Variants in PCLAF observed in about 807,000 individuals in gnomAD.
PCLAF encodes PCNA-associated factor.
PCLAF carries 12 observed loss-of-function variants against 15.1 expected under a neutral mutation model. That is an observed-to-expected ratio of 0.79 (90% CI 0.51 to 1.29). The LOEUF (loss-of-function observed/expected upper bound fraction) is 1.29. Ranked by LOEUF, PCLAF falls within the 50% of genes most tolerant of loss-of-function variation. PCLAF has a pLI of 0.00. For missense variants in PCLAF, 116 were observed against 130.9 expected, an observed-to-expected ratio of 0.89 and a Z score of 0.56; for synonymous variants, 33 against 47.1, an observed-to-expected ratio of 0.70 and a Z score of 1.22.
chr15:64,383,434 T>G (rs2140536069), upstream of PCLAF, among the ~76,000 whole-genome samples: 1 of 151,940 alleles, frequency 6.6e-6, no homozygotes, highest in East Asian at 1.9e-4. Flanking sequence ...TGGCGTGTTC[T>G]CGGCTCACTG....
Position 64,381,327 on chromosome 15 carries a change from T to C in PCLAF, c.45A>G (p.Lys15=), listed in dbSNP as rs760097397. 2.8e-5 allele frequency: 45 copies of C among 1,613,888 alleles called. No individual in the cohort carries two copies. Among genetic ancestry groups the C allele is most frequent in the Non-Finnish European group, 3.6e-5 (43 of 1,179,998 alleles). ...CAGTACCACACTCGATCGCCTCACC[T>C]TTTCTGTAAGTGCCTGGAACACTGT... ...KADSVPGTYR[K]VVAARAPRKV... Residue 15 remains lysine (K), a splice_region_variant and synonymous_variant, in exon 1 of 4, where the codon AAA becomes AAG. Transcript: ENST00000300035.
intron 3 of PCLAF, chr15:64,373,491 C>T (rs1899441317): frequency 1.3e-6 from 1 of 769,738 alleles, no homozygotes; most frequent in Non-Finnish European, 1.8e-6. Context: ...GTTTCTTGAC[C>T]TGCCTCTTAA....
chr15:64,371,025 G>A (rs1899289118), intron 3 of PCLAF, among the ~76,000 whole-genome samples: 1 of 139,772 alleles, frequency 7.2e-6, no homozygotes, highest in Non-Finnish European at 1.5e-5. Context: ...CTGGAGTGCA[G>A]TAGCGCAATC....
chr15:64,387,341 C>G, intron 1 of PCLAF: 1 of 570,386 alleles, frequency 1.8e-6, no homozygotes, highest in Non-Finnish European at 2.4e-6. Context: ...GAGATCATGC[C>G]ACTGCACTCA....
At position 64,376,666 on chromosome 15, in the gene PCLAF, G is replaced by A. The variant is rs150562530; in HGVS notation, c.290+77C>T. ...ACTCCTGGCCTCAAGTGATCCTCCCGCCTCGGCCTCCCAAAGTGCTGGGAT... is the reference window on the plus strand; with the variant it reads ...ACTCCTGGCCTCAAGTGATCCTCCCACCTCGGCCTCCCAAAGTGCTGGGAT... On this transcript the variant is annotated intron_variant, in intron 3 of 3. Transcript: ENST00000300035. 67,817 of 1,195,520 alleles carry A rather than the reference G, an allele frequency of 0.057. 2,195 individuals carry two copies. Among genetic ancestry groups the A allele is most frequent in the Middle Eastern group, 0.094 (336 of 3,590 alleles). The allele number at this position is 1,195,520 out of a possible 1,614,324, so 74.1% of individuals were successfully genotyped here.
chr15:64,385,443 T>C (rs1340629369), upstream of PCLAF, among the ~76,000 whole-genome samples: 1 of 151,766 alleles, frequency 6.6e-6, no homozygotes. Flanking sequence ...CTGACCAACA[T>C]GGAGAAACCC....
At chr15:64,378,540 A>G (rs1899708321) in intron 2 of PCLAF, among the ~76,000 whole-genome samples, 1 of 152,186 alleles carries the variant, frequency 6.6e-6, no homozygotes. Flanking sequence ...AAAAGAAGGA[A>G]TGGCATATAA....
Position 64,381,419 on chromosome 15 carries a change from CGAGGGTG to C in PCLAF, c.-55_-49del, listed in dbSNP as rs376649666. ...GGAGAGAACGAACTGACTTCCCAGC[CGAGGGTG>C]TTTCACTGGACAAGGACCCGAAAAC... On this transcript the variant is annotated 5_prime_UTR_variant, in exon 1 of 4. Transcript: ENST00000300035. 5.0e-6 allele frequency: 8 copies of C among 1,613,808 alleles called. No individual in the cohort carries two copies. In the African/African-American group the frequency reaches 5.3e-5, roughly 11 times the overall value.
Position 64,369,564 on chromosome 15 carries a change from C to T in PCLAF, c.291-3489G>A, listed in dbSNP as rs12050710. On this transcript the variant is annotated intron_variant, in intron 3 of 3. Transcript: ENST00000300035. ...GCTTATGAACAGCACTGAATAATTT[C>T]TTTTTTTTTGAGATGGAGTCTCACT... is the stretch of plus-strand genomic sequence containing the variant. 3.5e-4 allele frequency among the ~76,000 whole-genome samples: 53 copies of T among 150,792 alleles called. No homozygotes were observed. The East Asian group carries it at 9.3e-3, about 26-fold the overall frequency.
chr15:64,368,025 A>T (rs749483217), intron 3 of PCLAF, among the ~76,000 whole-genome samples: 1 of 151,926 alleles, frequency 6.6e-6, no homozygotes, highest in Non-Finnish European at 1.5e-5. Context: ...GGAAGTGAAA[A>T]TGAAGGCACT....
At chr15:64,369,520 A>T (rs1344120637) in intron 3 of PCLAF, among the ~76,000 whole-genome samples, 1 of 152,124 alleles carries the variant, frequency 6.6e-6, no homozygotes, top group African/African-American at 2.4e-5. Context: ...TAGACACTCA[A>T]TTACTATTTA....
upstream of PCLAF, chr15:64,381,644 G>T: frequency 1.2e-6 from 1 of 819,348 alleles, no homozygotes; most frequent in Non-Finnish European, 1.8e-6. Context: ...CGCCCCAGGT[G>T]GGCGGTACCA....
chr15:64,384,738 T>TAAAAAAAA (rs760374421), upstream of PCLAF, among the ~76,000 whole-genome samples: 1 of 103,572 alleles, frequency 9.7e-6, no homozygotes, highest in Non-Finnish European at 2.0e-5. Context: ...CAAGAATGTC[T>TAAAAAAAA]AAAAAAAAAA....
chr15:64,379,263 G>C (rs1354241202), intron 2 of PCLAF, among the ~76,000 whole-genome samples: 1 of 151,960 alleles, frequency 6.6e-6, no homozygotes, highest in Non-Finnish European at 1.5e-5. Context: ...GATTGCTTCA[G>C]CCCAGGAGTT....
At position 64,381,002 on chromosome 15, in the gene PCLAF, G is replaced by C. The variant is rs768833618; in HGVS notation, c.83C>G (p.Ser28Cys). 17 of 1,614,116 alleles carry C rather than the reference G, an allele frequency of 1.1e-5. No homozygotes were observed. The Admixed American group carries it at 1.3e-4, about 13-fold the overall frequency. ...AARAPRKVLG[S>C]STSATNSTSV... is the part of the protein sequence containing the mutation. ...TGTCGAATTAGTGGCAGAGGTGGAA[G>C]AACCAAGCACCTTTCTGGGGGCTCG... Residue 28 changes from serine to cysteine, a missense_variant, in exon 2 of 4, where the codon TCT becomes TGT. Coordinates refer to ENST00000300035, the MANE Select transcript of PCLAF (RefSeq NM_014736.6).
chr15:64,377,480 AAAAAAAAAATATAT>A (rs1899640267), intron 2 of PCLAF, among the ~76,000 whole-genome samples: 1 of 40,304 alleles, frequency 2.5e-5, no homozygotes, highest in Non-Finnish European at 4.9e-5. Flanking sequence ...CAAAAAAAAA[AAAAAAAAAATATAT>A]ATATATATAT....
At chr15:64,368,357 G>T (rs950392038) in intron 3 of PCLAF, among the ~76,000 whole-genome samples, 7 of 152,044 alleles carry the variant, frequency 4.6e-5, no homozygotes, top group Non-Finnish European at 7.4e-5. Flanking sequence ...CATTAACTCA[G>T]TATTAGATAA....
At chr15:64,376,045 CA>C (rs1465718983) in intron 3 of PCLAF, among the ~76,000 whole-genome samples, 4 of 152,062 alleles carry the variant, frequency 2.6e-5, no homozygotes, top group Non-Finnish European at 5.9e-5. Context: ...GCCAACAAGG[CA>C]AAACCCTGTC....
At chr15:64,379,248 G>A (rs549367193) in intron 2 of PCLAF, among the ~76,000 whole-genome samples, 2 of 152,094 alleles carry the variant, frequency 1.3e-5, no homozygotes, top group South Asian at 2.1e-4. Context: ...AGGCTGAGGC[G>A]GGAGGATTGC....
Sources: allele counts gnomAD v4.1 joint callset (sites outside exome capture counted in the v4.1 genomes callset), GRCh38; gene constraint gnomAD v4.1.1; transcripts MANE v1.5; gene names NCBI Gene and HGNC (gene_info 2026-07-23, HGNC 2026-07-21).